ATP8A1: variants seen among roughly 807,000 people sequenced by gnomAD.
The protein encoded by ATP8A1 is ATPase phospholipid transporting 8A1.
Under a neutral mutation model 177.7 loss-of-function variants are expected in ATP8A1, and 90 were observed. The observed-to-expected ratio is 0.51, with a 90% CI of 0.43 to 0.60. The LOEUF (loss-of-function observed/expected upper bound fraction) is 0.60. ATP8A1 is among the 20% of genes least tolerant of loss of function. ATP8A1 has a pLI of 0.00. For missense variants in ATP8A1, 1,072 were observed against 1,392.8 expected, an observed-to-expected ratio of 0.77 and a Z score of 3.67; for synonymous variants, 493 against 485.9, an observed-to-expected ratio of 1.01 and a Z score of -0.19.
intron 9 of ATP8A1, among the ~76,000 whole-genome samples, chr4:42,583,884 G>C (rs1733354115): frequency 6.6e-6 from 1 of 152,206 alleles, no homozygotes; most frequent in Admixed American, 6.5e-5. Context: ...ACAGAAAACT[G>C]TTAAGACATG....
chr4:42,555,180 A>G (rs1025145318), intron 16 of ATP8A1, among the ~76,000 whole-genome samples: 4 of 133,866 alleles, frequency 3.0e-5, no homozygotes, highest in Non-Finnish European at 6.3e-5. Context: ...CTATCTATCT[A>G]TCTATCTATC....
chr4:42,616,151 C>A, intron 4 of ATP8A1, 73 bp from the exon 5 acceptor site: 4 of 1,279,608 alleles, frequency 3.1e-6, no homozygotes, highest in Admixed American at 2.1e-5. Flanking sequence ...GCACTCATAC[C>A]AAAAAAGATT....
chr4:42,425,334 A>G (rs1156380762), intron 33 of ATP8A1, among the ~76,000 whole-genome samples: 1 of 152,214 alleles, frequency 6.6e-6, no homozygotes, highest in Admixed American at 6.5e-5. Context: ...AATTCTGACC[A>G]TTGTGATGCT....
At chr4:42,448,984 C>T (rs1199355341) in intron 30 of ATP8A1, among the ~76,000 whole-genome samples, 5 of 151,808 alleles carry the variant, frequency 3.3e-5, no homozygotes, top group Admixed American at 1.3e-4. Flanking sequence ...CACAGGCATG[C>T]GCCTCCACAC....
intron 33 of ATP8A1, among the ~76,000 whole-genome samples, chr4:42,441,395 ATTT>A (rs1222760635): frequency 6.6e-6 from 1 of 152,138 alleles, no homozygotes. Context: ...TGAGATAAGA[ATTT>A]TAAGATTAGA....
chr4:42,555,328 A>C (rs1560455375), intron 16 of ATP8A1, among the ~76,000 whole-genome samples: 3 of 152,142 alleles, frequency 2.0e-5, no homozygotes, highest in Middle Eastern at 3.4e-3. Flanking sequence ...CAGATAACTT[A>C]TTTCTATAAG....
At chr4:42,570,009 G>A (rs905406711) in intron 14 of ATP8A1, among the ~76,000 whole-genome samples, 5 of 152,050 alleles carry the variant, frequency 3.3e-5, no homozygotes, top group Non-Finnish European at 5.9e-5. Context: ...ATTAGACATG[G>A]AGTTTTAAAA....
chr4:42,543,954 G>A lies in ATP8A1; in HGVS notation c.1685C>T (p.Thr562Ile). Residue 562 changes from threonine (T) to isoleucine (I), a missense_variant, in exon 20 of 37, where the codon ACT (threonine) becomes ATT (isoleucine). By Grantham distance (89) the Thr-to-Ile change is moderately conservative. Around this residue, in one of 5 missense-constraint regions of ATP8A1, gnomAD observed 388 missense variants for 471.7 expected, o/e 0.82. Coordinates refer to ENST00000381668, the MANE Select transcript of ATP8A1 (RefSeq NM_006095.2). The part of the protein sequence containing the change: ...ARKRMSVIVR[T>I]PSGKLRLYCK... ...GTAGAGTCGTAACTTTCCAGATGGAGTGCGAACAATCACTGACATTCTTTT... is the reference window on the plus strand; with the variant it reads ...GTAGAGTCGTAACTTTCCAGATGGAATGCGAACAATCACTGACATTCTTTT... The A allele has an allele frequency of 6.2e-7, 1 of 1,613,150 alleles. No homozygotes were observed. The highest frequency in any genetic ancestry group is 8.5e-7 in the Non-Finnish European group (1 of 1,179,594).
At chr4:42,628,017 GA>G (rs1738296692) in intron 1 of ATP8A1, among the ~76,000 whole-genome samples, 1 of 152,182 alleles carries the variant, frequency 6.6e-6, no homozygotes, top group Non-Finnish European at 1.5e-5. Context: ...ACACTTACCA[GA>G]AGGTTTTGTT....
In ATP8A1 at chr4:42,452,005, AC is replaced by A; in HGVS notation, c.2871del (p.Trp957CysfsTer4). On this transcript the variant is annotated frameshift_variant, in exon 30 of 37. Transcript: ENST00000381668. LOFTEE classifies it high-confidence loss of function. Reference protein sequence around the residue: ...NGLFHSVILFWFPLKALQYGT... With the variant: ...NGLFHSVILFXFPLKALQYGT... ...CCATACTGAAGGGCTTTTAGTGGAAACCAAAACAGAATAACTGAGTGGAAGA... is the reference window on the plus strand; with the variant it reads ...CCATACTGAAGGGCTTTTAGTGGAAACAAAACAGAATAACTGAGTGGAAGA... 6.2e-7 allele frequency: 1 copy of A among 1,613,312 alleles called. No homozygotes were observed. The highest frequency in any genetic ancestry group is 8.5e-7 in the Non-Finnish European group (1 of 1,179,534).
intron 27 of ATP8A1, among the ~76,000 whole-genome samples, chr4:42,461,581 G>A (rs1165589926): frequency 6.6e-6 from 1 of 152,182 alleles, no homozygotes; most frequent in Non-Finnish European, 1.5e-5. Flanking sequence ...GGAACTGTAA[G>A]TCCATTAAAC....
chr4:42,602,779 T>C (rs1056762652), intron 5 of ATP8A1, among the ~76,000 whole-genome samples: 14 of 149,560 alleles, frequency 9.4e-5, no homozygotes, highest in African/African-American at 3.5e-4. Context: ...AAAAATAAAA[T>C]AAAATAAAAT....
chr4:42,446,118 A>AAATAAAT (rs1314803251), intron 31 of ATP8A1, among the ~76,000 whole-genome samples: 1 of 147,936 alleles, frequency 6.8e-6, no homozygotes, highest in African/African-American at 2.5e-5. Context: ...ATATAGTTTG[A>AAATAAAT]AATAAATTAA....
chr4:42,456,511 T>C (rs1262593501), intron 27 of ATP8A1, among the ~76,000 whole-genome samples: 2 of 152,172 alleles, frequency 1.3e-5, no homozygotes, highest in Non-Finnish European at 2.9e-5. Flanking sequence ...ACAGAAATCT[T>C]AACTTTGGAA....
At chr4:42,609,461 T>C (rs554945737) in intron 5 of ATP8A1, among the ~76,000 whole-genome samples, 172 of 152,320 alleles carry the variant, frequency 1.1e-3, no homozygotes, top group African/African-American at 3.5e-3. Context: ...CTCTGCTTAA[T>C]TGAGAAATTC....
chr4:42,559,340 C>A (rs955291982), intron 15 of ATP8A1, among the ~76,000 whole-genome samples: 2 of 152,016 alleles, frequency 1.3e-5, no homozygotes, highest in Non-Finnish European at 2.9e-5. Flanking sequence ...TGTAGTACAA[C>A]AATGAGCAAA....
chr4:42,648,325 A>G (rs1399084763), intron 1 of ATP8A1, among the ~76,000 whole-genome samples: 1 of 144,254 alleles, frequency 6.9e-6, no homozygotes, highest in African/African-American at 2.5e-5. Context: ...ATTTGATACC[A>G]GGGGCTAAAA....
intron 33 of ATP8A1, among the ~76,000 whole-genome samples, chr4:42,440,685 A>C (rs969946231): frequency 6.6e-6 from 1 of 152,172 alleles, no homozygotes; most frequent in African/African-American, 2.4e-5. Context: ...TAAGCGTTCA[A>C]TATTCATGAG....
At chr4:42,648,049 A>G (rs1041689089) in intron 1 of ATP8A1, among the ~76,000 whole-genome samples, 1 of 152,260 alleles carries the variant, frequency 6.6e-6, no homozygotes, top group Admixed American at 6.5e-5. Context: ...ACTGATACCA[A>G]TATCAAAGTA....
Sources: allele counts gnomAD v4.1 joint callset (sites outside exome capture counted in the v4.1 genomes callset), GRCh38; gene constraint gnomAD v4.1.1; regional missense constraint gnomAD v4.1.1; transcripts MANE v1.5; gene names NCBI Gene and HGNC (gene_info 2026-07-23, HGNC 2026-07-21).